Variants in TOGARAM1 observed in about 807,000 individuals in gnomAD.
TOGARAM1 encodes the protein TOG array regulator of axonemal microtubules protein 1.
Under a neutral mutation model 166.6 loss-of-function variants are expected in TOGARAM1, and 100 were observed. The observed-to-expected ratio is 0.60, with a 90% CI of 0.51 to 0.71. TOGARAM1 has a LOEUF of 0.71. Among genes scored for constraint, TOGARAM1 ranks in the 30% least tolerant of loss-of-function variants. The pLI, the probability that TOGARAM1 is intolerant of heterozygous loss-of-function variation, is 0.00. For missense variants in TOGARAM1, 2,029 were observed against 2,102.7 expected, an observed-to-expected ratio of 0.96 and a Z score of 0.69; for synonymous variants, 758 against 763.8, an observed-to-expected ratio of 0.99 and a Z score of 0.13.
rs771951582 is a variant in TOGARAM1, at chr14:45,027,376, T to G, written c.3406T>G (p.Phe1136Val). 6.2e-7 allele frequency: 1 copy of G among 1,613,688 alleles called. No individual in the cohort carries two copies. Among genetic ancestry groups the G allele is most frequent in the East Asian group, 2.2e-5 (1 of 44,812 alleles). ...VISSVENGDT[F>V]SIKQSIEPPS... ...ATCTTCTGTGGAAAATGGGGATACA[T>G]TTTCAATTAAACAAAGTATTGAACC... Residue 1136 changes from phenylalanine (F) to valine (V), a missense_variant, in exon 9 of 20, where the codon TTT becomes GTT. By Grantham distance (50) the Phe-to-Val change is conservative. This residue lies in a region of TOGARAM1 where 1,453 missense variants were observed against 1,432.2 expected (regional missense o/e 1.01). Transcript: ENST00000361462.
intron 16 of TOGARAM1, among the ~76,000 whole-genome samples, chr14:45,056,024 T>A (rs1016028139): frequency 1.3e-5 from 2 of 152,014 alleles, no homozygotes; most frequent in Non-Finnish European, 2.9e-5. Context: ...GTTTTTCCAT[T>A]TGTTTGTGTC....
chr14:44,975,667 A>C (rs573679624), intron 1 of TOGARAM1, among the ~76,000 whole-genome samples: 1 of 151,308 alleles, frequency 6.6e-6, no homozygotes, highest in Non-Finnish European at 1.5e-5. Flanking sequence ...GGGTTTCACC[A>C]TGTTGGCCAG....
Position 45,073,773 on chromosome 14 carries a change from C to T in TOGARAM1, c.*212C>T, listed in dbSNP as rs1254819028. ...AAACCTAAAATATTCATGAATAATT[C>T]ATGAAATCTGAGTCACATGGGATGA... On this transcript the variant is annotated 3_prime_UTR_variant, in exon 20 of 20. Coordinates refer to ENST00000361462, the MANE Select transcript of TOGARAM1 (RefSeq NM_001308120.2). 7.0e-6 allele frequency: 3 copies of T among 426,516 alleles called. No individual in the cohort carries two copies. Among genetic ancestry groups the T allele is most frequent in the Middle Eastern group, 6.3e-4 (1 of 1,594 alleles). 26.4% of individuals were successfully genotyped at this position (426,516 alleles called of 1,614,324 possible).
chr14:45,021,680 G>T (rs781007070), intron 7 of TOGARAM1, among the ~76,000 whole-genome samples: 1 of 152,130 alleles, frequency 6.6e-6, no homozygotes, highest in African/African-American at 2.4e-5. Flanking sequence ...CTTTAACCGC[G>T]GTTGGGGTAG....
intron 1 of TOGARAM1, among the ~76,000 whole-genome samples, chr14:44,979,882 A>G (rs1869809460): frequency 6.6e-6 from 1 of 152,138 alleles, no homozygotes; most frequent in Non-Finnish European, 1.5e-5. Context: ...GGCAAGGGAG[A>G]TGGCTTGAAG....
chr14:45,029,010 A>G (rs918259272), intron 10 of TOGARAM1, among the ~76,000 whole-genome samples: 2 of 152,334 alleles, frequency 1.3e-5, no homozygotes, highest in African/African-American at 4.8e-5. Flanking sequence ...CTTCTTTTGA[A>G]AGTAAAAATA....
intron 18 of TOGARAM1, among the ~76,000 whole-genome samples, chr14:45,069,307 T>G (rs1325344140): frequency 6.6e-6 from 1 of 152,036 alleles, no homozygotes; most frequent in Non-Finnish European, 1.5e-5. Flanking sequence ...AGGTGGAGGT[T>G]GCAGTGAGCC....
At chr14:44,970,863 GC>G (rs1396948890) in intron 1 of TOGARAM1, among the ~76,000 whole-genome samples, 2 of 152,144 alleles carry the variant, frequency 1.3e-5, no homozygotes, top group Non-Finnish European at 2.9e-5. Flanking sequence ...TGTTGAGCCA[GC>G]CTTGCATACC....
At chr14:45,012,097 A>G (rs1485627628) in intron 7 of TOGARAM1, 22 bp downstream of exon 7, 4 of 1,394,684 alleles carry the variant, frequency 2.9e-6, no homozygotes, top group Non-Finnish European at 3.9e-6. Context: ...CTGTTTATAA[A>G]AATAATTTAT....
At position 45,052,460 on chromosome 14, in the gene TOGARAM1, C is replaced by T. The variant is rs757276163; in HGVS notation, c.4338C>T (p.Phe1446=). Residue 1446 remains phenylalanine, a synonymous_variant, in exon 15 of 20, where the codon TTC becomes TTT. Transcript: ENST00000361462. ...GGTATTATGGTCGAAAGATGCTGTT[C>T]TTCATGATGTGTCATCCTAACTTTG... The part of the protein sequence containing the change: ...ETRYYGRKML[F]FMMCHPNFEK... 4.3e-6 allele frequency: 7 copies of T among 1,612,336 alleles called. No homozygotes were observed. The highest frequency in any genetic ancestry group is 1.7e-4 in the Middle Eastern group (1 of 5,876).
intron 1 of TOGARAM1, among the ~76,000 whole-genome samples, chr14:44,985,776 T>A (rs1047083732): frequency 6.6e-6 from 1 of 152,226 alleles, no homozygotes; most frequent in African/African-American, 2.4e-5. Flanking sequence ...TTTAACCTAT[T>A]CATTGGTTAT....
chr14:45,064,573 G>A (rs535357115), intron 16 of TOGARAM1, among the ~76,000 whole-genome samples: 24 of 152,104 alleles, frequency 1.6e-4, no homozygotes, highest in African/African-American at 5.5e-4. Flanking sequence ...CAGGGCTCAA[G>A]TGTCCTCCCA....
At chr14:44,970,853 T>C in intron 1 of TOGARAM1, among the ~76,000 whole-genome samples, 1 of 152,222 alleles carries the variant, frequency 6.6e-6, no homozygotes, top group East Asian at 1.9e-4. Flanking sequence ...GATTTTCAAA[T>C]GTTGAGCCAG....
chr14:45,004,472 T>C (rs1594644711), intron 4 of TOGARAM1, 106 bp downstream of exon 4: 7 of 791,728 alleles, frequency 8.8e-6, no homozygotes, highest in South Asian at 8.4e-5. Flanking sequence ...ACATTTTATC[T>C]GTCTGAATTT....
At chr14:45,030,486 G>T (rs1434939264) in intron 10 of TOGARAM1, among the ~76,000 whole-genome samples, 1 of 152,084 alleles carries the variant, frequency 6.6e-6, no homozygotes, top group Non-Finnish European at 1.5e-5. Flanking sequence ...GATAATAAAT[G>T]ATAATAGTGC....
Position 44,995,743 on chromosome 14 carries a change from T to G in TOGARAM1, c.2047-3T>G. The G allele has an allele frequency of 1.3e-6, 2 of 1,546,768 alleles. No individual in the cohort carries two copies. The highest frequency in any genetic ancestry group is 2.3e-5 in the East Asian group (1 of 44,144). ...TTGCTAATTTATGATTCTGTTCTTA[T>G]AGTTTTCAACATATGATTTCATCCC... On this transcript the variant is annotated splice_polypyrimidine_tract_variant and splice_region_variant and intron_variant, in intron 1 of 19. Transcript: ENST00000361462.
chr14:44,996,525 G>A (rs193164968), intron 2 of TOGARAM1: 12 of 152,280 alleles, frequency 7.9e-5, no homozygotes, highest in Admixed American at 2.6e-4. Flanking sequence ...ACTTATAAGT[G>A]AACTTTACTT....
rs764086170 is a variant in TOGARAM1, at chr14:45,009,101, A to T, written c.3093A>T (p.Ser1031=). 6.2e-7 allele frequency: 1 copy of T among 1,614,096 alleles called. No individual in the cohort carries two copies. Among genetic ancestry groups the T allele is most frequent in the Non-Finnish European group, 8.5e-7 (1 of 1,179,964 alleles). Residue 1031 remains serine (S), a synonymous_variant, in exon 6 of 20, where the codon TCA becomes TCT. Coordinates refer to ENST00000361462, the MANE Select transcript of TOGARAM1 (RefSeq NM_001308120.2). ...YSESGVYSQE[S]LTSSLSTTPQ... is the part of the protein sequence containing the mutation. ...AAAGTGGAGTTTACAGCCAAGAATC[A>T]TTGACTTCTTCTCTGTCTACAACTC...
intron 16 of TOGARAM1, among the ~76,000 whole-genome samples, chr14:45,056,554 G>C (rs1882647603): frequency 6.6e-6 from 1 of 151,960 alleles, no homozygotes; most frequent in South Asian, 2.1e-4. Flanking sequence ...TGCCTATTTT[G>C]TTGAGGATTT....
Sources: allele counts gnomAD v4.1 joint callset (sites outside exome capture counted in the v4.1 genomes callset), GRCh38; gene constraint gnomAD v4.1.1; regional missense constraint gnomAD v4.1.1; transcripts MANE v1.5; gene names NCBI Gene and HGNC (gene_info 2026-07-23, HGNC 2026-07-21).